PRDM16: variants seen among roughly 807,000 people sequenced by gnomAD.
PRDM16 encodes the protein histone-lysine N-methyltransferase PRDM16.
A neutral mutation model predicts 110.6 loss-of-function variants in PRDM16; 23 were observed. The observed-to-expected ratio is 0.21, with a 90% CI of 0.15 to 0.29. The LOEUF (loss-of-function observed/expected upper bound fraction) is 0.29. Among genes scored for constraint, PRDM16 ranks in the 10% least tolerant of loss-of-function variants. PRDM16 has a pLI of 1.00. For missense variants in PRDM16, 1,615 were observed against 1,794.3 expected (o/e 0.90, Z 1.81); for synonymous variants, 799 against 781.8 (o/e 1.02, Z -0.37).
intron 3 of PRDM16, among the ~76,000 whole-genome samples, chr1:3,287,318 C>T (rs10909917): frequency 0.075 from 8,817 of 116,832 alleles, 28 homozygotes; most frequent in East Asian, 0.31. Context: ...CTGGAGCCGC[C>T]CCGCCACGCG....
At position 3,080,100 on chromosome 1, in the gene PRDM16, C is replaced by G. The variant is rs1415787712; in HGVS notation, c.37+10804C>G. Among the ~76,000 whole-genome samples, 1 of 152,176 alleles carries G rather than the reference C, an allele frequency of 6.6e-6. No homozygotes were observed. On this transcript the variant is annotated intron_variant, in intron 1 of 16. Transcript: ENST00000270722. This position sits in a 1 kb window ranked among gnomAD's most constrained non-coding sequence, Gnocchi z 5.2. The stretch of plus-strand genomic sequence containing the variant: ...GAGCACTTTTCCGCACGCTGTAACC[C>G]CTGAGAAGAAACAAAGAGGAAACGA...
intron 2 of PRDM16, among the ~76,000 whole-genome samples, chr1:3,224,753 A>G (rs762389324): frequency 7.9e-5 from 12 of 152,192 alleles, no homozygotes; most frequent in Non-Finnish European, 1.5e-4. Context: ...GACAGGGGGA[A>G]CCCCTACTGT....
intron 3 of PRDM16, among the ~76,000 whole-genome samples, chr1:3,376,822 G>A (rs571522868): frequency 5.2e-4 from 73 of 140,494 alleles, no homozygotes; most frequent in African/African-American, 1.9e-3. Context: ...GCTGACCGCC[G>A]ACCAGGCCTC....
rs371946677 is a variant in PRDM16, at chr1:3,186,486, C to G, written c.387+12C>G. Reference sequence around the variant, plus strand: ...ACTTCGGATGGGAGGTGAGCGATCGCGCCTGAGTATGATTGATCACGGCCA... The same window carrying G: ...ACTTCGGATGGGAGGTGAGCGATCGGGCCTGAGTATGATTGATCACGGCCA... On this transcript the variant is annotated intron_variant, in intron 2 of 16. Transcript: ENST00000270722. 2.7e-6 allele frequency: 4 copies of G among 1,456,078 alleles called. No homozygotes were observed. The highest frequency in any genetic ancestry group is 3.7e-6 in the Non-Finnish European group (4 of 1,079,856). The allele number at this position is 1,456,078 out of a possible 1,614,324, so 90.2% of individuals were successfully genotyped here.
chr1:3,100,254 T>C (rs1367257468), intron 1 of PRDM16, among the ~76,000 whole-genome samples: 2 of 151,838 alleles, frequency 1.3e-5, no homozygotes, highest in Non-Finnish European at 2.9e-5. Flanking sequence ...GGGAAGGAGG[T>C]AGATGGATGC....
chr1:3,072,620 A>G (rs950430429), intron 1 of PRDM16, among the ~76,000 whole-genome samples: 2 of 152,090 alleles, frequency 1.3e-5, no homozygotes, highest in Non-Finnish European at 2.9e-5. Flanking sequence ...CTTCGTAGAA[A>G]CAGGCCAGGC....
At position 3,433,827 on chromosome 1, in the gene PRDM16, G is replaced by A. The variant is rs781721031; in HGVS notation, c.*16G>A. 6 of 1,611,628 alleles carry A rather than the reference G, an allele frequency of 3.7e-6. No individual in the cohort carries two copies. The highest frequency in any genetic ancestry group is 5.1e-6 in the Non-Finnish European group (6 of 1,179,666). On this transcript the variant is annotated 3_prime_UTR_variant, in exon 17 of 17. Coordinates refer to ENST00000270722, the MANE Select transcript of PRDM16 (RefSeq NM_022114.4). ...CCACCTCTGACGGGCTGGGCAGCCGGGGGCCGGTGGCCAGAGCGAGGGCAC... is the reference window on the plus strand; with the variant it reads ...CCACCTCTGACGGGCTGGGCAGCCGAGGGCCGGTGGCCAGAGCGAGGGCAC...
At chr1:3,132,565 C>T (rs78786908) in intron 1 of PRDM16, among the ~76,000 whole-genome samples, 8 of 152,318 alleles carry the variant, frequency 5.3e-5, no homozygotes, top group African/African-American at 1.9e-4. Flanking sequence ...GCTCTCCCCT[C>T]CACCCCCCAT....
intron 1 of PRDM16, among the ~76,000 whole-genome samples, chr1:3,089,909 A>AGTG (rs1177401273): frequency 3.3e-5 from 4 of 121,664 alleles, no homozygotes; most frequent in African/African-American, 7.3e-5. Flanking sequence ...CAGCGTCTAA[A>AGTG]ATCCACTCAT....
intron 1 of PRDM16, among the ~76,000 whole-genome samples, chr1:3,137,456 C>T (rs1384174455): frequency 6.6e-6 from 1 of 152,178 alleles, no homozygotes; most frequent in African/African-American, 2.4e-5. Context: ...ATGTTTCTTC[C>T]TAGGGTCCCA....
intron 3 of PRDM16, chr1:3,308,644 G>A (rs1005779259): frequency 2.6e-5 from 4 of 152,200 alleles, no homozygotes; most frequent in African/African-American, 9.7e-5. Context: ...ACAGTGGTGC[G>A]CCTCCGGCTT....
At chr1:3,221,746 CAT>C (rs1402548123) in intron 2 of PRDM16, among the ~76,000 whole-genome samples, 2 of 152,250 alleles carry the variant, frequency 1.3e-5, no homozygotes, top group Non-Finnish European at 2.9e-5. Flanking sequence ...CACAGACGCA[CAT>C]GTGTGCAAAC....
chr1:3,132,398 C>G (rs1184004960), intron 1 of PRDM16, among the ~76,000 whole-genome samples: 1 of 152,138 alleles, frequency 6.6e-6, no homozygotes, highest in African/African-American at 2.4e-5. Flanking sequence ...TACCTTGGGC[C>G]CTTGGGAGGC....
At chr1:3,108,914 A>C (rs553046027) in intron 1 of PRDM16, among the ~76,000 whole-genome samples, 1 of 151,718 alleles carries the variant, frequency 6.6e-6, no homozygotes, top group Non-Finnish European at 1.5e-5. Flanking sequence ...AAAAAAAAAA[A>C]AATACAAAAA....
chr1:3,320,036 GC>G (rs1641703733), intron 3 of PRDM16, among the ~76,000 whole-genome samples: 1 of 152,140 alleles, frequency 6.6e-6, no homozygotes, highest in Non-Finnish European at 1.5e-5. Flanking sequence ...CAGTGCCTGG[GC>G]CTGGTGGCCA....
intron 3 of PRDM16, among the ~76,000 whole-genome samples, chr1:3,335,617 AC>A (rs1642129183): frequency 6.6e-6 from 1 of 151,804 alleles, no homozygotes; most frequent in Non-Finnish European, 1.5e-5. Context: ...ACACACACAC[AC>A]ACACACACAC....
At chr1:3,200,589 G>T (rs1158337607) in intron 2 of PRDM16, among the ~76,000 whole-genome samples, 4 of 152,212 alleles carry the variant, frequency 2.6e-5, no homozygotes, top group Non-Finnish European at 4.4e-5. Context: ...TGATCTGCCC[G>T]CCTCGGCCTC....
intron 3 of PRDM16, among the ~76,000 whole-genome samples, chr1:3,266,974 G>A (rs761894304): frequency 6.6e-6 from 1 of 152,138 alleles, no homozygotes; most frequent in Non-Finnish European, 1.5e-5. Context: ...CACCGCGCCC[G>A]GCCACGTGCA....
chr1:3,355,995 C>A (rs1049234294), intron 3 of PRDM16, among the ~76,000 whole-genome samples: 1 of 152,056 alleles, frequency 6.6e-6, no homozygotes, highest in South Asian at 2.1e-4. Context: ...TGATGAGTGG[C>A]CCGTTGGTGA....
Sources: gnomAD v4.1 joint callset for allele counts (sites outside exome capture counted in the v4.1 genomes callset) on GRCh38, gnomAD v4.1.1 for gene constraint, Gnocchi (gnomAD v3.1) non-coding constraint, MANE v1.5 for transcripts, NCBI Gene and HGNC (gene_info 2026-07-23, HGNC 2026-07-21) for gene names.